Variants in SRR observed in about 807,000 individuals in gnomAD.
SRR encodes the protein serine racemase, also known as D-serine ammonia-lyase.
SRR carries 19 observed loss-of-function variants against 32.7 expected under a neutral mutation model. The observed-to-expected ratio is 0.58, with a 90% CI of 0.40 to 0.85. SRR has a LOEUF of 0.85. Ranked by LOEUF, SRR falls within the 40% of genes least tolerant of loss-of-function variation. SRR has a pLI of 0.00. For synonymous variants in SRR, 142 were observed against 140.9 expected (o/e 1.01, Z -0.06); for missense variants, 373 against 404.7 (o/e 0.92, Z 0.67).
intron 4 of SRR, among the ~76,000 whole-genome samples, 176 bp from the exon 5 acceptor site, chr17:2,321,130 C>A (rs1347553727): frequency 6.6e-6 from 1 of 152,212 alleles, no homozygotes; most frequent in Non-Finnish European, 1.5e-5. Context: ...TCATCCATCT[C>A]TACCATACAA....
In SRR at chr17:2,321,281, T is replaced by C. The variant is rs760407283; in HGVS notation, c.400-25T>C. On this transcript the variant is annotated intron_variant, in intron 4 of 7. Transcript: ENST00000344595. Reference sequence around the variant, plus strand: ...GGGGACTCTATTAAATACAAATCAATTAAGCTAAATTAATGTACTTTCAGT... The same window carrying C: ...GGGGACTCTATTAAATACAAATCAACTAAGCTAAATTAATGTACTTTCAGT... 6.2e-6 allele frequency: 10 copies of C among 1,610,152 alleles called. No homozygotes were observed. The African/African-American group carries it at 1.1e-4, about 17-fold the overall frequency.
intron 6 of SRR, 111 bp from the exon 7 acceptor site, chr17:2,323,025 A>C: frequency 1.7e-6 from 2 of 1,156,914 alleles, no homozygotes; most frequent in South Asian, 1.4e-5. Flanking sequence ...TCGGGCTCCC[A>C]AAGTGTTGGG....
At chr17:2,318,619 ATTTTTTT>A (rs35847724) in intron 3 of SRR, among the ~76,000 whole-genome samples, 200 bp from the exon 4 acceptor site, 29 of 92,526 alleles carry the variant, frequency 3.1e-4, no homozygotes, top group Non-Finnish European at 4.6e-4. Flanking sequence ...ATGCCTGGCT[ATTTTTTT>A]TTTTTTTTTT....
chr17:2,303,558 G>A (rs954529147), upstream of SRR: 5 of 1,349,760 alleles, frequency 3.7e-6, no homozygotes, highest in Non-Finnish European at 3.8e-6. Context: ...AGGGCCGAGC[G>A]GGGAGGAGGC....
intron 2 of SRR, among the ~76,000 whole-genome samples, chr17:2,317,648 C>A (rs2075487584): frequency 6.6e-6 from 1 of 152,014 alleles, no homozygotes; most frequent in Non-Finnish European, 1.5e-5. Flanking sequence ...GCGGACGTTG[C>A]AGTAAGCCGA....
At chr17:2,315,534 C>T (rs1487785443) in intron 1 of SRR, 23 bp from the exon 2 acceptor site, 3 of 1,600,080 alleles carry the variant, frequency 1.9e-6, no homozygotes, top group African/African-American at 1.3e-5. Flanking sequence ...TGCTTTGACC[C>T]CTTTCTTATT....
intron 1 of SRR, among the ~76,000 whole-genome samples, chr17:2,308,746 A>G (rs933696278): frequency 5.3e-5 from 8 of 152,024 alleles, no homozygotes; most frequent in Admixed American, 2.0e-4. Context: ...ACTTGAACCC[A>G]AGAGGCAGAG....
chr17:2,315,388 A>C, intron 1 of SRR, 169 bp from the exon 2 acceptor site: 2 of 595,446 alleles, frequency 3.4e-6, no homozygotes, highest in Non-Finnish European at 5.3e-6. Context: ...AACTTCGTTC[A>C]GCTTTTAAGT....
chr17:2,312,061 A>T lies in SRR; in HGVS notation c.-4-3496A>T, dbSNP rs56664956. On this transcript the variant is annotated intron_variant, in intron 1 of 7. Transcript: ENST00000344595. ...TTCCTCTCTACTAAAATAAAAATTTAAAAAATTAGCTGGGTATGGTGGTGC... is the reference window on the plus strand; with the variant it reads ...TTCCTCTCTACTAAAATAAAAATTTTAAAAATTAGCTGGGTATGGTGGTGC... Among the ~76,000 whole-genome samples, 164 of 151,970 alleles carry T rather than the reference A, an allele frequency of 1.1e-3. 1 individual carries two copies. The highest frequency in any genetic ancestry group is 0.01 in the Middle Eastern group (3 of 294).
At chr17:2,307,352 C>G (rs1435651126) in intron 1 of SRR, 7 of 1,057,758 alleles carry the variant, frequency 6.6e-6, no homozygotes, top group Non-Finnish European at 8.7e-6. Flanking sequence ...GGTCAAAGTA[C>G]TTCTGGAAAC....
In SRR at chr17:2,324,510, G is replaced by A. The variant is rs755085146; in HGVS notation, c.*637G>A. On this transcript the variant is annotated 3_prime_UTR_variant, in exon 8 of 8. Coordinates refer to ENST00000344595, the MANE Select transcript of SRR (RefSeq NM_021947.3). ...AAATCCCGTGTTTCCTTACCTAAAG[G>A]TTCCTTGATATGTCCTCTCCGGCCC... 6.2e-6 allele frequency: 10 copies of A among 1,614,046 alleles called. No homozygotes were observed. The highest frequency in any genetic ancestry group is 8.5e-6 in the Non-Finnish European group (10 of 1,180,032).
chr17:2,320,129 CTT>C, intron 4 of SRR, among the ~76,000 whole-genome samples: 1 of 151,342 alleles, frequency 6.6e-6, no homozygotes, highest in Non-Finnish European at 1.5e-5. Context: ...GAACTTGTCT[CTT>C]TTCAAGTCTA....
chr17:2,306,202 G>C (rs1311757553), intron 1 of SRR, among the ~76,000 whole-genome samples: 1 of 151,728 alleles, frequency 6.6e-6, no homozygotes, highest in African/African-American at 2.4e-5. Flanking sequence ...TGTAGTCCCA[G>C]CTACTTGGGA....
chr17:2,323,536 G>A (rs980925006), intron 7 of SRR, 119 bp from the exon 8 acceptor site: 2 of 1,210,388 alleles, frequency 1.7e-6, no homozygotes, highest in African/African-American at 1.5e-5. Context: ...AAAGCTTTGG[G>A]AAGCGTGTGT....
intron 3 of SRR, among the ~76,000 whole-genome samples, chr17:2,318,231 A>G (rs1229247322): frequency 6.6e-6 from 1 of 151,626 alleles, no homozygotes; most frequent in Non-Finnish European, 1.5e-5. Context: ...TGTAACCTCC[A>G]CCTGCCGGGT....
intron 1 of SRR, among the ~76,000 whole-genome samples, chr17:2,313,386 C>T (rs1298155263): frequency 3.5e-5 from 5 of 141,120 alleles, no homozygotes; most frequent in Non-Finnish European, 6.1e-5. Context: ...GCTGAGATGG[C>T]GCCACCGCAC....
At chr17:2,317,764 T>C in intron 2 of SRR, 106 bp from the exon 3 acceptor site, 5 of 1,196,518 alleles carry the variant, frequency 4.2e-6, no homozygotes, top group Non-Finnish European at 5.9e-6. Context: ...TAAGATTTGG[T>C]GACAGATTGG....
intron 4 of SRR, among the ~76,000 whole-genome samples, chr17:2,320,019 T>C (rs985852817): frequency 5.3e-5 from 8 of 150,366 alleles, no homozygotes; most frequent in South Asian, 4.2e-4. Context: ...GGGGTTTCAC[T>C]GTGTTAGCCA....
chr17:2,303,886 C>A (rs1228792715), upstream of SRR: 2 of 516,712 alleles, frequency 3.9e-6, no homozygotes, highest in African/African-American at 4.1e-5. Context: ...GAAAAGCGCC[C>A]GCCGCCGGTT....
Sources: gnomAD v4.1 joint callset for allele counts (sites outside exome capture counted in the v4.1 genomes callset) on GRCh38, gnomAD v4.1.1 for gene constraint, MANE v1.5 for transcripts, NCBI Gene and HGNC (gene_info 2026-07-23, HGNC 2026-07-21) for gene names.